The following ST3GAL4 variants were observed in gnomAD, a reference collection of about 807,000 sequenced individuals.
ST3GAL4 encodes CMP-N-acetylneuraminate-beta-galactosamide-alpha-2,3-sialyltransferase 4.
In ST3GAL4, 24 loss-of-function variants were observed where a neutral mutation model predicts 42.6. The observed-to-expected ratio is 0.56, with a 90% CI of 0.41 to 0.79. ST3GAL4 has a LOEUF of 0.79. Ranked by LOEUF, ST3GAL4 falls within the 30% of genes least tolerant of loss-of-function variation. The probability of loss-of-function intolerance (pLI) is 0.00; values close to 1 mark genes in which losing one functional copy is unlikely to be tolerated. For missense variants in ST3GAL4, 311 were observed against 430.8 expected, an observed-to-expected ratio of 0.72 and a Z score of 2.46; for synonymous variants, 135 against 163.2, an observed-to-expected ratio of 0.83 and a Z score of 1.32.
rs149354754 is a variant in ST3GAL4, at chr11:126,367,361, C to G, written c.-61+11519C>G. Reference sequence around the variant, plus strand: ...AGTGGCAGTGCCTCTGCCTGTCTCCCTGGCCGTGGCAGGTCCTTTGTCACG... The same window carrying G: ...AGTGGCAGTGCCTCTGCCTGTCTCCGTGGCCGTGGCAGGTCCTTTGTCACG... On this transcript the variant is annotated intron_variant, in intron 1 of 10. Coordinates refer to ENST00000444328, the MANE Select transcript of ST3GAL4 (RefSeq NM_001254757.2). 6.8e-3 allele frequency among the ~76,000 whole-genome samples: 1,037 copies of G among 152,318 alleles called. 13 individuals are homozygous for G. Among genetic ancestry groups the G allele is most frequent in the African/African-American group, 0.021 (886 of 41,564 alleles).
rs1953872243 is a variant in ST3GAL4, at chr11:126,398,507, G to A, written c.-60-7589G>A. On this transcript the variant is annotated intron_variant, in intron 1 of 10. Coordinates refer to ENST00000444328, the MANE Select transcript of ST3GAL4 (RefSeq NM_001254757.2). This position sits in a 1 kb window ranked among gnomAD's most constrained non-coding sequence, Gnocchi z 4.7. Reference sequence around the variant, plus strand: ...AGTCTCATGCTTGCAGCTCCCCCAGGTTGCTGTTGCACACTGGTAGCTCTG... The same window carrying A: ...AGTCTCATGCTTGCAGCTCCCCCAGATTGCTGTTGCACACTGGTAGCTCTG... 6.6e-6 allele frequency among the ~76,000 whole-genome samples: 1 copy of A among 152,198 alleles called. No individual in the cohort carries two copies. The highest frequency in any genetic ancestry group is 6.5e-5 in the Admixed American group (1 of 15,284).
At chr11:126,380,347 C>A (rs1325354117) in intron 1 of ST3GAL4, among the ~76,000 whole-genome samples, 1 of 152,072 alleles carries the variant, frequency 6.6e-6, no homozygotes, top group East Asian at 1.9e-4. Context: ...GCCTCCTTCA[C>A]CTGGTGGGAT....
At chr11:126,358,777 ATC>A (rs1159987034) in intron 1 of ST3GAL4, among the ~76,000 whole-genome samples, 1 of 152,154 alleles carries the variant, frequency 6.6e-6, no homozygotes, top group Non-Finnish European at 1.5e-5. Flanking sequence ...CCACAACCCC[ATC>A]TCTGTTCCCC....
At chr11:126,367,287 C>A (rs1952465985) in intron 1 of ST3GAL4, among the ~76,000 whole-genome samples, 1 of 152,208 alleles carries the variant, frequency 6.6e-6, no homozygotes, top group African/African-American at 2.4e-5. Context: ...GCAGCGTCTC[C>A]TGAGGCTGGG....
rs1047860757 is a variant in ST3GAL4, at chr11:126,396,968, A to T, written c.-60-9128A>T. Among the ~76,000 whole-genome samples the T allele has an allele frequency of 6.6e-6, 1 of 152,042 alleles. No homozygotes were observed. Among genetic ancestry groups the T allele is most frequent in the East Asian group, 1.9e-4 (1 of 5,190 alleles). On this transcript the variant is annotated intron_variant, in intron 1 of 10. Transcript: ENST00000444328. This position sits in a 1 kb window ranked among gnomAD's most constrained non-coding sequence, Gnocchi z 5.8. Reference sequence around the variant, plus strand: ...CTGGAAACACTTTGTCACACCTGAGAAGAGGGATTTCCTACTGGTGTCTAG... The same window carrying T: ...CTGGAAACACTTTGTCACACCTGAGTAGAGGGATTTCCTACTGGTGTCTAG...
Position 126,392,246 on chromosome 11 carries a change from A to C in ST3GAL4, c.-60-13850A>C. The C allele has an allele frequency of 1.7e-5, 15 of 885,776 alleles. No homozygotes were observed. The highest frequency in any genetic ancestry group is 1.9e-5 in the Non-Finnish European group (14 of 738,690). The allele number at this position is 885,776 out of a possible 1,614,324, so 54.9% of individuals were successfully genotyped here. A position where few individuals can be genotyped will look rare whatever the true frequency, so the allele number is the denominator to read the frequency against. On this transcript the variant is annotated intron_variant, in intron 1 of 10. Transcript: ENST00000444328. This position sits in a 1 kb window ranked among gnomAD's most constrained non-coding sequence, Gnocchi z 5.8. ...GTTAGGAGGAAGTAAGTAGGAAGGAAGGAGATTTCCTGGGTATTAGGGTGT... is the reference window on the plus strand; with the variant it reads ...GTTAGGAGGAAGTAAGTAGGAAGGACGGAGATTTCCTGGGTATTAGGGTGT...
intron 1 of ST3GAL4, among the ~76,000 whole-genome samples, chr11:126,388,002 G>C (rs1326228965): frequency 1.3e-5 from 2 of 152,332 alleles, no homozygotes; most frequent in Middle Eastern, 3.4e-3. Context: ...TTCCTTGTCT[G>C]TGAGCAGATT....
At position 126,409,888 on chromosome 11, in the gene ST3GAL4, G is replaced by T. The variant is rs1954442378; in HGVS notation, c.771+477G>T. 1.3e-5 allele frequency among the ~76,000 whole-genome samples: 2 copies of T among 152,258 alleles called. No individual in the cohort carries two copies. Among genetic ancestry groups the T allele is most frequent in the South Asian group, 4.1e-4 (2 of 4,830 alleles). ...TGTGTCAATTCAGGGAGTCAATGTAGTTTTGCAAGTTATGGGTTTTTGTTT... is the reference window on the plus strand; with the variant it reads ...TGTGTCAATTCAGGGAGTCAATGTATTTTTGCAAGTTATGGGTTTTTGTTT... On this transcript the variant is annotated intron_variant, in intron 9 of 10. Coordinates refer to ENST00000444328, the MANE Select transcript of ST3GAL4 (RefSeq NM_001254757.2). The surrounding 1 kb of genome is among the most constrained non-coding windows in gnomAD (Gnocchi z 4.9).
At chr11:126,361,248 G>A (rs1054225084) in intron 1 of ST3GAL4, among the ~76,000 whole-genome samples, 2 of 152,226 alleles carry the variant, frequency 1.3e-5, no homozygotes. Flanking sequence ...CTTTGGAAGA[G>A]CGAGGGGTTC....
intron 1 of ST3GAL4, among the ~76,000 whole-genome samples, chr11:126,387,114 G>C (rs1278412602): frequency 6.6e-6 from 1 of 152,196 alleles, no homozygotes; most frequent in Non-Finnish European, 1.5e-5. Context: ...CAGGTGACGC[G>C]TGTTCTAGGG....
At chr11:126,402,091 A>AGGGCG (rs146212978) in intron 1 of ST3GAL4, among the ~76,000 whole-genome samples, 6 of 131,674 alleles carry the variant, frequency 4.6e-5, no homozygotes, top group East Asian at 3.1e-4. Flanking sequence ...ATTTGGGGGA[A>AGGGCG]AGAGGGGAGG....
chr11:126,406,479 A>G lies in ST3GAL4; in HGVS notation c.23A>G (p.Lys8Arg), dbSNP rs1042238173. 6.2e-7 allele frequency: 1 copy of G among 1,614,174 alleles called. No individual in the cohort carries two copies. Among genetic ancestry groups the G allele is most frequent in the African/African-American group, 1.3e-5 (1 of 75,040 alleles). Reference sequence around the variant, plus strand: ...CTCTGCATGTGTCCTGCAGGCTGGAAGCTCCTGGCCATGTTGGCTCTGGTC... The same window carrying G: ...CTCTGCATGTGTCCTGCAGGCTGGAGGCTCCTGGCCATGTTGGCTCTGGTC... MVSKSRW[K>R]LLAMLALVLV... is the part of the protein sequence containing the mutation. Residue 8 changes from lysine (K) to arginine (R), a missense_variant, in exon 3 of 11, where the codon AAG (lysine) becomes AGG (arginine). Transcript: ENST00000444328. The surrounding 1 kb of genome is among the most constrained non-coding windows in gnomAD (Gnocchi z 5.4).
rs372167321 is a variant in ST3GAL4, at chr11:126,402,092, A to AGGGGGGGG, written c.-60-4003_-60-4002insGGGGGGGG. ...GTCTAGGTGGAAGGATTTGGGGGAA[A>AGGGGGGGG]GAGGGGAGGTAGGAGAGTCTAGACG... is the stretch of plus-strand genomic sequence containing the variant. On this transcript the variant is annotated intron_variant, in intron 1 of 10. Coordinates refer to ENST00000444328, the MANE Select transcript of ST3GAL4 (RefSeq NM_001254757.2). 4.3e-5 allele frequency among the ~76,000 whole-genome samples: 6 copies of AGGGGGGGG among 139,108 alleles called. No homozygotes were observed. In the East Asian group the frequency reaches 1.0e-3, roughly 24 times the overall value. The allele number at this position is 139,108 out of a possible 152,430, so 91.3% of individuals were successfully genotyped here.
chr11:126,377,053 C>G (rs1952850488), intron 1 of ST3GAL4, among the ~76,000 whole-genome samples: 1 of 152,176 alleles, frequency 6.6e-6, no homozygotes, highest in Admixed American at 6.5e-5. Context: ...TCCCAGGAGC[C>G]AAGACTTAAC....
At chr11:126,356,837 G>T (rs112638826) in intron 1 of ST3GAL4, among the ~76,000 whole-genome samples, 91 of 152,354 alleles carry the variant, frequency 6.0e-4, no homozygotes, top group Admixed American at 9.1e-4. Context: ...GAACAGGCCT[G>T]GTACAGGCTG....
Position 126,409,761 on chromosome 11 carries a change from T to C in ST3GAL4, c.771+350T>C, listed in dbSNP as rs1292012545. 1.3e-5 allele frequency among the ~76,000 whole-genome samples: 2 copies of C among 152,198 alleles called. No homozygotes were observed. Among genetic ancestry groups the C allele is most frequent in the Non-Finnish European group, 2.9e-5 (2 of 68,032 alleles). On this transcript the variant is annotated intron_variant, in intron 9 of 10. Transcript: ENST00000444328. The surrounding 1 kb of genome is among the most constrained non-coding windows in gnomAD (Gnocchi z 4.9). Reference sequence around the variant, plus strand: ...AACAACTTGAGCCATGCAGAGTTACTGTTAGATACTTCATCTGTGATCTTA... The same window carrying C: ...AACAACTTGAGCCATGCAGAGTTACCGTTAGATACTTCATCTGTGATCTTA...
rs188560638 is a variant in ST3GAL4, at chr11:126,396,584, G to A, written c.-60-9512G>A. Among the ~76,000 whole-genome samples, 29 of 151,940 alleles carry A rather than the reference G, an allele frequency of 1.9e-4. No homozygotes were observed. The East Asian group carries it at 3.7e-3, about 19-fold the overall frequency. On this transcript the variant is annotated intron_variant, in intron 1 of 10. Transcript: ENST00000444328. This position sits in a 1 kb window ranked among gnomAD's most constrained non-coding sequence, Gnocchi z 5.8. ...TGAGAAGGGGCTCGACAGGCTCTTC[G>A]TCACTGTGCGGAGCCTTCGAAGGAC... is the stretch of plus-strand genomic sequence containing the variant.
intron 1 of ST3GAL4, among the ~76,000 whole-genome samples, chr11:126,365,455 C>T (rs1273378151): frequency 1.3e-4 from 20 of 152,296 alleles, no homozygotes; most frequent in Admixed American, 1.2e-3. Flanking sequence ...CCCCTGGCAT[C>T]GCCTTCAGTT....
rs1482651559 is a variant in ST3GAL4 at position 126,398,447 on chromosome 11, T to C, written c.-60-7649T>C. Reference sequence around the variant, plus strand: ...GGCAGCCCTGCTTCCCTGGCCTTGCTGGGCTCATTCCATGCAGCAGCTCTC... The same window carrying C: ...GGCAGCCCTGCTTCCCTGGCCTTGCCGGGCTCATTCCATGCAGCAGCTCTC... On this transcript the variant is annotated intron_variant, in intron 1 of 10. Transcript: ENST00000444328. This position sits in a 1 kb window ranked among gnomAD's most constrained non-coding sequence, Gnocchi z 4.7. Among the ~76,000 whole-genome samples, 3 of 152,224 alleles carry C rather than the reference T, an allele frequency of 2.0e-5. No homozygotes were observed. Among genetic ancestry groups the C allele is most frequent in the Non-Finnish European group, 4.4e-5 (3 of 68,034 alleles).
Sources: allele counts gnomAD v4.1 joint callset (sites outside exome capture counted in the v4.1 genomes callset), GRCh38; gene constraint gnomAD v4.1.1; non-coding constraint Gnocchi (gnomAD v3.1); transcripts MANE v1.5; gene names NCBI Gene and HGNC (gene_info 2026-07-23, HGNC 2026-07-21).